ZFHX3: variants seen among roughly 807,000 people sequenced by gnomAD.
ZFHX3 encodes the protein zinc finger homeobox protein 3.
ZFHX3 carries 42 observed loss-of-function variants against 279.1 expected under a neutral mutation model. The observed-to-expected ratio is 0.15, with a 90% confidence interval of 0.12 to 0.19. The LOEUF (loss-of-function observed/expected upper bound fraction) is 0.19, where lower values mean the gene tolerates loss of function less well. ZFHX3 is among the 10% of genes least tolerant of loss of function. The pLI, the probability that ZFHX3 is intolerant of heterozygous loss-of-function variation, is 1.00. For synonymous variants in ZFHX3, 2,293 were observed against 1,957.8 expected, an observed-to-expected ratio of 1.17 and a Z score of -4.52; for missense variants, 4,981 against 4,754.0, an observed-to-expected ratio of 1.05 and a Z score of -1.40.
intron 7 of ZFHX3, chr16:72,809,825 G>GA (rs2036385720): frequency 6.6e-6 from 1 of 151,160 alleles, no homozygotes; most frequent in Non-Finnish European, 1.5e-5. Context: ...ATAATGCTAA[G>GA]AAAGAGGTGA....
At chr16:73,844,358 G>A (rs1961389818) in intron 1 of ZFHX3, among the ~76,000 whole-genome samples, 1 of 152,120 alleles carries the variant, frequency 6.6e-6, no homozygotes, top group South Asian at 2.1e-4. Flanking sequence ...TTTGACAAAA[G>A]TCCCAAATAA....
intron 1 of ZFHX3, among the ~76,000 whole-genome samples, chr16:73,846,291 C>A (rs1175049732): frequency 2.6e-5 from 4 of 152,190 alleles, no homozygotes; most frequent in African/African-American, 9.6e-5. Context: ...TCTGTCTGGA[C>A]ACGGAAGGCT....
At chr16:73,565,989 C>T (rs1046509773) in intron 2 of ZFHX3, among the ~76,000 whole-genome samples, 7 of 152,158 alleles carry the variant, frequency 4.6e-5, no homozygotes, top group African/African-American at 1.2e-4. Flanking sequence ...TGAGTTCTGA[C>T]GATACTTGGA....
intron 1 of ZFHX3, among the ~76,000 whole-genome samples, chr16:73,811,765 A>T (rs1960433850): frequency 6.6e-6 from 1 of 151,992 alleles, no homozygotes; most frequent in Non-Finnish European, 1.5e-5. Flanking sequence ...TCTAATAGGC[A>T]GGAGACTACC....
chr16:73,860,139 G>A (rs963447208), intron 1 of ZFHX3, among the ~76,000 whole-genome samples: 1 of 152,168 alleles, frequency 6.6e-6, no homozygotes, highest in African/African-American at 2.4e-5. Flanking sequence ...ATCCTGACGT[G>A]CCCCTCCTCC....
chr16:73,740,937 G>A (rs2053651288), intron 1 of ZFHX3, among the ~76,000 whole-genome samples: 4 of 151,286 alleles, frequency 2.6e-5, no homozygotes, highest in Admixed American at 2.0e-4. Flanking sequence ...GATGGCCAAA[G>A]TATCTATATG....
intron 4 of ZFHX3, among the ~76,000 whole-genome samples, chr16:73,264,989 TTA>T (rs147996553): frequency 1.5e-4 from 22 of 146,172 alleles, no homozygotes; most frequent in East Asian, 4.1e-4. Context: ...TATGTGTGTA[TTA>T]TATATATATA....
intron 1 of ZFHX3, among the ~76,000 whole-genome samples, chr16:73,004,158 A>ATTT (rs1567627941): frequency 7.8e-5 from 4 of 51,304 alleles, no homozygotes; most frequent in Admixed American, 2.6e-4. Flanking sequence ...TAAAAACACG[A>ATTT]CTTTTTTTTT....
chr16:73,639,020 T>C (rs1368356252), intron 2 of ZFHX3, among the ~76,000 whole-genome samples: 1 of 152,164 alleles, frequency 6.6e-6, no homozygotes, highest in African/African-American at 2.4e-5. Flanking sequence ...GTTAGACTTC[T>C]AGACACAGAA....
chr16:72,976,693 A>G (rs1268773336), intron 1 of ZFHX3, among the ~76,000 whole-genome samples: 1 of 152,208 alleles, frequency 6.6e-6, no homozygotes, highest in Non-Finnish European at 1.5e-5. Flanking sequence ...GCCTCATTCC[A>G]GAGTCTACCT....
chr16:72,895,119 A>G (rs779353334), intron 3 of ZFHX3, among the ~76,000 whole-genome samples: 7 of 152,182 alleles, frequency 4.6e-5, no homozygotes, highest in Non-Finnish European at 8.8e-5. Flanking sequence ...GAGACACTGC[A>G]TGCACGCGCA....
intron 4 of ZFHX3, among the ~76,000 whole-genome samples, chr16:72,844,577 G>C (rs1434912583): frequency 6.6e-6 from 1 of 152,124 alleles, no homozygotes; most frequent in Non-Finnish European, 1.5e-5. Flanking sequence ...GTGGTGGTGG[G>C]GGGGTGGGTG....
At chr16:73,168,738 A>G (rs1272907108) in intron 5 of ZFHX3, among the ~76,000 whole-genome samples, 1 of 152,104 alleles carries the variant, frequency 6.6e-6, no homozygotes, top group African/African-American at 2.4e-5. Flanking sequence ...TATCATCTCC[A>G]TCCACAAAAC....
At chr16:73,225,530 C>T (rs991767075) in intron 5 of ZFHX3, among the ~76,000 whole-genome samples, 5 of 152,038 alleles carry the variant, frequency 3.3e-5, no homozygotes, top group Non-Finnish European at 7.4e-5. Context: ...GTTGAGGCTG[C>T]AGTGAGCTGT....
intron 7 of ZFHX3, among the ~76,000 whole-genome samples, chr16:73,102,340 G>A (rs567299246): frequency 3.9e-5 from 6 of 152,252 alleles, no homozygotes; most frequent in East Asian, 1.9e-4. Flanking sequence ...CCTCTTTTCC[G>A]GCATCTGTCC....
intron 2 of ZFHX3, among the ~76,000 whole-genome samples, chr16:73,646,863 T>C (rs552689526): frequency 1.3e-5 from 2 of 152,208 alleles, no homozygotes; most frequent in Admixed American, 1.3e-4. Flanking sequence ...GCCAGTTTTA[T>C]AAGTGAGCTC....
chr16:72,933,471 G>T (rs1350260836), intron 3 of ZFHX3, among the ~76,000 whole-genome samples: 13 of 151,032 alleles, frequency 8.6e-5, no homozygotes, highest in Non-Finnish European at 4.4e-5. Flanking sequence ...CAACCAAGGA[G>T]ATGAGTTGAA....
intron 1 of ZFHX3, among the ~76,000 whole-genome samples, chr16:73,799,455 C>T (rs996496678): frequency 5.3e-5 from 8 of 152,144 alleles, no homozygotes; most frequent in Admixed American, 5.2e-4. Flanking sequence ...TTTCTTTGGC[C>T]TTCCCTTGCA....
chr16:73,584,785 A>G (rs1004287156), intron 2 of ZFHX3, among the ~76,000 whole-genome samples: 2 of 152,192 alleles, frequency 1.3e-5, no homozygotes, highest in African/African-American at 2.4e-5. Flanking sequence ...ACAAACAACC[A>G]TGAGAGAGAA....
Sources: gnomAD v4.1 joint callset for allele counts (sites outside exome capture counted in the v4.1 genomes callset) on GRCh38, gnomAD v4.1.1 for gene constraint, MANE v1.5 for transcripts, NCBI Gene and HGNC (gene_info 2026-07-23, HGNC 2026-07-21) for gene names.